The following CACNA1C variants were observed in gnomAD, a reference collection of about 807,000 sequenced individuals.
CACNA1C encodes voltage-dependent L-type calcium channel subunit alpha-1C.
Under a neutral mutation model 229.0 loss-of-function variants are expected in CACNA1C, and 30 were observed. The ratio of observed to expected loss-of-function variants is 0.13; its 90% CI spans 0.10 to 0.18. The LOEUF (loss-of-function observed/expected upper bound fraction) is 0.18, where lower values mean the gene tolerates loss of function less well. CACNA1C is among the 10% of genes least tolerant of loss of function. CACNA1C has a pLI of 1.00. For missense variants in CACNA1C, 1,658 were observed against 2,845.0 expected (o/e 0.58, Z 9.49); for synonymous variants, 1,114 against 1,132.5 (o/e 0.98, Z 0.33).
At chr12:2,492,397 G>A (rs747686171) in intron 6 of CACNA1C, among the ~76,000 whole-genome samples, 4 of 152,156 alleles carry the variant, frequency 2.6e-5, no homozygotes, top group Admixed American at 1.3e-4. Flanking sequence ...ATTCACTGCC[G>A]CTCTATCTTG....
At chr12:2,203,545 G>A (rs1311361436) in intron 3 of CACNA1C, among the ~76,000 whole-genome samples, 7 of 152,156 alleles carry the variant, frequency 4.6e-5, no homozygotes, top group Non-Finnish European at 8.8e-5. Context: ...GTTACAGGAC[G>A]GATTAGGAGT....
chr12:2,609,574 G>C (rs2079087836), intron 27 of CACNA1C, among the ~76,000 whole-genome samples: 2 of 149,382 alleles, frequency 1.3e-5, no homozygotes, highest in Non-Finnish European at 3.0e-5. Context: ...CCCCGATCTA[G>C]TATCCGGTTA....
Position 2,566,655 on chromosome 12 carries a change from C to A in CACNA1C, c.1669+73C>A. 1 of 1,313,012 alleles carries A rather than the reference C, an allele frequency of 7.6e-7. No homozygotes were observed. Among genetic ancestry groups the A allele is most frequent in the Non-Finnish European group, 1.0e-6 (1 of 952,626 alleles). The allele number at this position is 1,313,012 out of a possible 1,614,324, so 81.3% of individuals were successfully genotyped here. A position where few individuals can be genotyped will look rare whatever the true frequency, so the allele number is the denominator to read the frequency against. The stretch of plus-strand genomic sequence containing the variant: ...CCCCAAGGCCCAGGGGAGGGCATAA[C>A]CACAGGCAGAAGGTGGAGGGGAAAG... On this transcript the variant is annotated intron_variant, in intron 12 of 46. Transcript: ENST00000399655. The surrounding 1 kb of genome is among the most constrained non-coding windows in gnomAD (Gnocchi z 4.0).
chr12:2,534,069 G>A (rs1177172695), intron 9 of CACNA1C, among the ~76,000 whole-genome samples: 1 of 152,302 alleles, frequency 6.6e-6, no homozygotes, highest in Non-Finnish European at 1.5e-5. Flanking sequence ...CGGAGTTGGA[G>A]GGTAGGTAGG....
Position 2,592,189 on chromosome 12 carries a change from A to T in CACNA1C, c.2531-1024A>T, listed in dbSNP as rs147756485. ...TGTTAGGGAATAATAGGTGGTAAGGATCTGACTGAGAAAGATGTTGAGCAT... is the reference window on the plus strand; with the variant it reads ...TGTTAGGGAATAATAGGTGGTAAGGTTCTGACTGAGAAAGATGTTGAGCAT... On this transcript the variant is annotated intron_variant, in intron 18 of 46. Coordinates refer to ENST00000399655, the MANE Select transcript of CACNA1C (RefSeq NM_000719.7). 1.9e-3 allele frequency among the ~76,000 whole-genome samples: 290 copies of T among 152,350 alleles called. 1 individual carries two copies. Among genetic ancestry groups the T allele is most frequent in the African/African-American group, 6.6e-3 (276 of 41,572 alleles).
At chr12:2,491,538 G>A (rs1198514243) in intron 6 of CACNA1C, among the ~76,000 whole-genome samples, 1 of 144,486 alleles carries the variant, frequency 6.9e-6, no homozygotes, top group Non-Finnish European at 1.5e-5. Context: ...AGATGACCAC[G>A]AAGGTGATGA....
intron 3 of CACNA1C, among the ~76,000 whole-genome samples, chr12:2,433,547 T>C (rs1355814211): frequency 6.6e-6 from 1 of 152,224 alleles, no homozygotes; most frequent in African/African-American, 2.4e-5. Flanking sequence ...ATGTACTTCT[T>C]TGCTTTCTTC....
At chr12:2,146,114 A>G (rs1255445346) in intron 3 of CACNA1C, among the ~76,000 whole-genome samples, 1 of 151,232 alleles carries the variant, frequency 6.6e-6, no homozygotes, top group African/African-American at 2.4e-5. Flanking sequence ...GATAGTAACA[A>G]AAGAAGAGAG....
At chr12:2,026,440 G>C (rs1222033210) in intron 1 of CACNA1C, among the ~76,000 whole-genome samples, 1 of 152,188 alleles carries the variant, frequency 6.6e-6, no homozygotes, top group Non-Finnish European at 1.5e-5. Flanking sequence ...AGATGGATCA[G>C]TTAGATACAA....
intron 1 of CACNA1C, among the ~76,000 whole-genome samples, chr12:1,981,113 C>T (rs1308357188): frequency 6.6e-6 from 1 of 152,136 alleles, no homozygotes; most frequent in Non-Finnish European, 1.5e-5. Flanking sequence ...ATGGCATTCT[C>T]ACAACTCACA....
chr12:1,989,846 T>C (rs2038903096), intron 1 of CACNA1C, among the ~76,000 whole-genome samples: 1 of 152,260 alleles, frequency 6.6e-6, no homozygotes, highest in Admixed American at 6.5e-5. Context: ...AGTAAGTGAT[T>C]ACTATATGGG....
intron 6 of CACNA1C, among the ~76,000 whole-genome samples, chr12:2,489,560 A>T (rs1028563058): frequency 2.0e-5 from 3 of 152,198 alleles, no homozygotes; most frequent in Non-Finnish European, 2.9e-5. Context: ...GGTCACTCTG[A>T]ATAGCTTCCC....
intron 5 of CACNA1C, among the ~76,000 whole-genome samples, chr12:2,460,738 G>A (rs887903606): frequency 2.1e-4 from 32 of 152,324 alleles, no homozygotes; most frequent in African/African-American, 7.5e-4. Flanking sequence ...TGATGACACT[G>A]AGATGGATTT....
At chr12:2,010,490 C>T (rs1196069447) in intron 1 of CACNA1C, among the ~76,000 whole-genome samples, 1 of 152,098 alleles carries the variant, frequency 6.6e-6, no homozygotes, top group East Asian at 1.9e-4. Context: ...CTGGACTAGA[C>T]CTCTCTTAAC....
chr12:2,543,450 T>C (rs1447690365), intron 9 of CACNA1C, among the ~76,000 whole-genome samples: 2 of 152,204 alleles, frequency 1.3e-5, no homozygotes, highest in East Asian at 3.8e-4. Flanking sequence ...CTTTCAACAA[T>C]TTGGACATTC....
At chr12:1,981,618 G>T (rs993583880) in intron 1 of CACNA1C, among the ~76,000 whole-genome samples, 1 of 152,122 alleles carries the variant, frequency 6.6e-6, no homozygotes, top group African/African-American at 2.4e-5. Flanking sequence ...AACTGTAAGG[G>T]GGAAGGGATA....
chr12:2,128,766 A>C (rs2091202754), intron 3 of CACNA1C, among the ~76,000 whole-genome samples: 1 of 152,210 alleles, frequency 6.6e-6, no homozygotes, highest in Non-Finnish European at 1.5e-5. Context: ...AGCAACAGAC[A>C]CTACTTATGA....
At chr12:2,068,443 T>G (rs1032219250) in intron 1 of CACNA1C, among the ~76,000 whole-genome samples, 1 of 152,216 alleles carries the variant, frequency 6.6e-6, no homozygotes, top group Non-Finnish European at 1.5e-5. Flanking sequence ...AGGCTGGGCT[T>G]CTGCACCTCA....
chr12:2,673,127 C>G (rs142559502), intron 38 of CACNA1C, among the ~76,000 whole-genome samples: 1 of 152,212 alleles, frequency 6.6e-6, no homozygotes, highest in African/African-American at 2.4e-5. Context: ...GTAAACATCC[C>G]GTGTTGGTTT....
Sources: allele counts gnomAD v4.1 joint callset (sites outside exome capture counted in the v4.1 genomes callset), GRCh38; gene constraint gnomAD v4.1.1; non-coding constraint Gnocchi (gnomAD v3.1); transcripts MANE v1.5; gene names NCBI Gene and HGNC (gene_info 2026-07-23, HGNC 2026-07-21).